CHRDL1: variants seen among roughly 807,000 people sequenced by gnomAD.
CHRDL1 encodes the protein chordin-like protein 1.
CHRDL1 carries 19 observed loss-of-function variants against 40.9 expected under a neutral mutation model. That is an observed-to-expected ratio of 0.46 (90% CI 0.32 to 0.68). The LOEUF is 0.68. CHRDL1 is among the 30% of genes least tolerant of loss of function. CHRDL1 has a pLI of 0.03. For missense variants in CHRDL1, 329 were observed against 352.1 expected (o/e 0.93, Z 0.53); for synonymous variants, 136 against 123.4 (o/e 1.10, Z -0.68).
chrX:110,776,140 A>T (rs1211686282), intron 2 of CHRDL1, among the ~76,000 whole-genome samples: 3 of 112,195 alleles, frequency 2.7e-5, no homozygotes, highest in Admixed American at 9.5e-5. Context: ...ATGTCAATTA[A>T]GAAAAAGAAA....
At chrX:110,719,739 C>T (rs183337409) in intron 6 of CHRDL1, 96 bp downstream of exon 6, 20 of 392,892 alleles carry the variant, frequency 5.1e-5, no homozygotes, top group Admixed American at 1.3e-4. Context: ...ATAAAAATTA[C>T]CTTTCCCTAG....
chrX:110,721,623 A>T, intron 4 of CHRDL1, 93 bp from the exon 5 acceptor site: 1 of 753,270 alleles, frequency 1.3e-6, no homozygotes, highest in South Asian at 2.4e-5. Flanking sequence ...TACTACATAG[A>T]GGGAGTTTTA....
chrX:110,717,499 A>G (rs1317762157), intron 6 of CHRDL1, among the ~76,000 whole-genome samples: 1 of 111,580 alleles, frequency 9.0e-6, no homozygotes, highest in Admixed American at 9.5e-5. Context: ...GTGGCAGAAC[A>G]CTGTGGTTAG....
At chrX:110,792,488 T>G (rs1169004688) in intron 1 of CHRDL1, among the ~76,000 whole-genome samples, 1 of 112,446 alleles carries the variant, frequency 8.9e-6, no homozygotes, top group African/African-American at 3.2e-5. Context: ...AAATAAATTT[T>G]GAAATCTTCC....
chrX:110,744,616 C>T (rs2071418116), intron 4 of CHRDL1, among the ~76,000 whole-genome samples: 1 of 111,392 alleles, frequency 9.0e-6, no homozygotes, highest in Non-Finnish European at 1.9e-5. Flanking sequence ...AATGCTATGG[C>T]TCCACTTGGG....
rs1234783105 is a variant in CHRDL1 at position 110,675,825 on chromosome X, G to C, written c.*406C>G. On this transcript the variant is annotated 3_prime_UTR_variant, in exon 12 of 12. Coordinates refer to ENST00000372042, the MANE Select transcript of CHRDL1 (RefSeq NM_001143981.2). ...AACACATGACATTCTAAAATTCAAA[G>C]GTATAATTTCATACAAGTAATTGTT... 1 of 116,660 alleles carries C rather than the reference G, an allele frequency of 8.6e-6. No homozygotes were observed. The highest frequency in any genetic ancestry group is 1.7e-5 in the Non-Finnish European group (1 of 57,306). The allele number at this position is 116,660 out of a possible 1,213,427, so 9.6% of individuals were successfully genotyped here.
intron 4 of CHRDL1, among the ~76,000 whole-genome samples, chrX:110,721,879 G>A (rs888047503): frequency 2.7e-5 from 3 of 112,399 alleles, no homozygotes; most frequent in African/African-American, 9.7e-5. Flanking sequence ...AATATTCCTA[G>A]ATGAATAAGA....
intron 4 of CHRDL1, among the ~76,000 whole-genome samples, chrX:110,743,138 A>G (rs909276861): frequency 8.9e-6 from 1 of 112,936 alleles, no homozygotes; most frequent in African/African-American, 3.2e-5. Flanking sequence ...TGGCTGCCAC[A>G]TTGGAAAGTG....
chrX:110,764,497 A>T (rs2089625023), intron 2 of CHRDL1, among the ~76,000 whole-genome samples: 1 of 112,328 alleles, frequency 8.9e-6, no homozygotes, highest in African/African-American at 3.2e-5. Flanking sequence ...TAAGCTAAGG[A>T]TGTACATCAC....
intron 4 of CHRDL1, among the ~76,000 whole-genome samples, chrX:110,730,058 T>A (rs1626575): frequency 9.0e-6 from 1 of 111,668 alleles, no homozygotes; most frequent in African/African-American, 3.3e-5. Flanking sequence ...ACAGTGGCCA[T>A]CCTCTTACCA....
chrX:110,716,245 C>T (rs755498141), intron 6 of CHRDL1, among the ~76,000 whole-genome samples: 4 of 110,810 alleles, frequency 3.6e-5, no homozygotes, highest in African/African-American at 1.3e-4. Flanking sequence ...CTACCACAGT[C>T]AATCAGTAAT....
intron 2 of CHRDL1, among the ~76,000 whole-genome samples, chrX:110,791,453 C>T (rs142502802): frequency 0.012 from 1,372 of 111,782 alleles, 12 homozygotes; most frequent in Non-Finnish European, 0.021. Context: ...CTTCCTGCCA[C>T]TCTCTGCTTT....
chrX:110,684,367 C>T (rs1380361653), intron 9 of CHRDL1, among the ~76,000 whole-genome samples: 1 of 112,045 alleles, frequency 8.9e-6, no homozygotes, highest in African/African-American at 3.2e-5. Flanking sequence ...CTTCTCTCCT[C>T]ACTGCCTTGT....
chrX:110,711,459 T>G (rs1304013746), intron 6 of CHRDL1, among the ~76,000 whole-genome samples: 1 of 111,664 alleles, frequency 9.0e-6, no homozygotes, highest in African/African-American at 3.3e-5. Flanking sequence ...TCAACAGGCA[T>G]AAGGTTTCAG....
intron 4 of CHRDL1, among the ~76,000 whole-genome samples, chrX:110,736,697 G>T (rs2071270381): frequency 9.0e-6 from 1 of 111,615 alleles, no homozygotes; most frequent in Admixed American, 9.5e-5. Flanking sequence ...CATGATGAAA[G>T]ATGTCACTGA....
At chrX:110,738,830 C>A (rs2071311044) in intron 4 of CHRDL1, among the ~76,000 whole-genome samples, 1 of 111,238 alleles carries the variant, frequency 9.0e-6, no homozygotes, top group Non-Finnish European at 1.9e-5. Flanking sequence ...CCCTGGTAGC[C>A]AGGCCAAAAA....
At chrX:110,765,743 A>T (rs1192606399) in intron 2 of CHRDL1, among the ~76,000 whole-genome samples, 1 of 112,012 alleles carries the variant, frequency 8.9e-6, no homozygotes, top group Non-Finnish European at 1.9e-5. Flanking sequence ...CAACACAGTA[A>T]TAGTAGGGGA....
intron 6 of CHRDL1, among the ~76,000 whole-genome samples, chrX:110,705,343 A>G (rs993754300): frequency 1.9e-4 from 1 of 5,318 alleles, no homozygotes; most frequent in Admixed American, 1.5e-3. Context: ...ATATATACAC[A>G]TATATATATA....
intron 6 of CHRDL1, among the ~76,000 whole-genome samples, chrX:110,702,349 A>C (rs2148443165): frequency 8.9e-6 from 1 of 112,214 alleles, no homozygotes; most frequent in African/African-American, 3.2e-5. Flanking sequence ...TCCTCTGCAA[A>C]GTCTTCTTCA....
Sources: gnomAD v4.1 joint callset for allele counts (sites outside exome capture counted in the v4.1 genomes callset) on GRCh38, gnomAD v4.1.1 for gene constraint, MANE v1.5 for transcripts, NCBI Gene and HGNC (gene_info 2026-07-23, HGNC 2026-07-21) for gene names.